SLIT1: variants seen among roughly 807,000 people sequenced by gnomAD.
The protein encoded by SLIT1 is slit homolog 1 protein.
Under a neutral mutation model 186.1 loss-of-function variants are expected in SLIT1, and 66 were observed. The observed-to-expected ratio is 0.35, with a 90% CI of 0.29 to 0.44. The LOEUF is 0.44. Among genes scored for constraint, SLIT1 ranks in the 20% least tolerant of loss-of-function variants. The pLI is 1.00. For missense variants in SLIT1, 1,638 were observed against 2,037.4 expected, an observed-to-expected ratio of 0.80 and a Z score of 3.77; for synonymous variants, 761 against 833.8, an observed-to-expected ratio of 0.91 and a Z score of 1.50.
chr10:97,091,138 G>C (rs1226128373), intron 4 of SLIT1, among the ~76,000 whole-genome samples: 1 of 152,224 alleles, frequency 6.6e-6, no homozygotes, highest in African/African-American at 2.4e-5. Flanking sequence ...CTTGCAAAAG[G>C]CAAGTGCTAT....
chr10:97,005,947 C>T (rs1848356249), intron 32 of SLIT1, among the ~76,000 whole-genome samples: 1 of 152,182 alleles, frequency 6.6e-6, no homozygotes, highest in African/African-American at 2.4e-5. Flanking sequence ...CCACTCTCCT[C>T]TCCATCCCCC....
chr10:97,046,577 G>C, intron 18 of SLIT1, 77 bp downstream of exon 18: 1 of 1,423,614 alleles, frequency 7.0e-7, no homozygotes, highest in South Asian at 1.4e-5. Flanking sequence ...GGCTCCTCCA[G>C]CCTCTCTCTT....
At chr10:97,050,460 C>G (rs1377105640) in intron 13 of SLIT1, among the ~76,000 whole-genome samples, 1 of 152,236 alleles carries the variant, frequency 6.6e-6, no homozygotes, top group Non-Finnish European at 1.5e-5. Context: ...CAGTGTCTTT[C>G]CCTATTTCCC....
intron 4 of SLIT1, among the ~76,000 whole-genome samples, chr10:97,123,478 A>T (rs112539882): frequency 6.6e-6 from 1 of 152,176 alleles, no homozygotes; most frequent in Non-Finnish European, 1.5e-5. Context: ...AACAAGCCCA[A>T]TGCTAGGCAA....
intron 4 of SLIT1, among the ~76,000 whole-genome samples, chr10:97,143,108 T>A (rs1849782512): frequency 6.6e-6 from 1 of 152,230 alleles, no homozygotes; most frequent in African/African-American, 2.4e-5. Flanking sequence ...AACTGCCATA[T>A]GATCCAGTCA....
intron 21 of SLIT1, 71 bp downstream of exon 21, chr10:97,039,917 C>A: frequency 2.6e-6 from 4 of 1,562,948 alleles, no homozygotes; most frequent in Non-Finnish European, 3.5e-6. Context: ...GGCCCCAGCC[C>A]CTCAGGAAAT....
At chr10:97,136,165 C>T (rs1225693024) in intron 4 of SLIT1, among the ~76,000 whole-genome samples, 1 of 152,166 alleles carries the variant, frequency 6.6e-6, no homozygotes, top group Non-Finnish European at 1.5e-5. Context: ...CTTGTGTCAA[C>T]TCTGGCCTTG....
At chr10:97,092,608 A>C (rs1849244581) in intron 4 of SLIT1, among the ~76,000 whole-genome samples, 1 of 152,232 alleles carries the variant, frequency 6.6e-6, no homozygotes, top group Non-Finnish European at 1.5e-5. Context: ...CTCCCCATGA[A>C]ATATCACCTC....
At chr10:97,127,941 A>C (rs2817706) in intron 4 of SLIT1, among the ~76,000 whole-genome samples, 96,897 of 151,834 alleles carry the variant, frequency 0.64, 31,447 homozygotes, top group South Asian at 0.75. Context: ...GAGGTAGAAA[A>C]CCCAGAGGCA....
intron 1 of SLIT1, among the ~76,000 whole-genome samples, chr10:97,175,388 C>G (rs1489918106): frequency 6.6e-6 from 1 of 152,096 alleles, no homozygotes; most frequent in Non-Finnish European, 1.5e-5. Context: ...ACCCTGTGTT[C>G]AGTTCTTTTG....
chr10:97,081,789 A>G (rs1313242737), intron 4 of SLIT1, among the ~76,000 whole-genome samples: 1 of 152,168 alleles, frequency 6.6e-6, no homozygotes, highest in African/African-American at 2.4e-5. Context: ...AGCCCAGAGG[A>G]GCTACGAGGA....
rs546455720 is a variant in SLIT1 at position 97,056,572 on chromosome 10, G to A, written c.1158-108C>T. On this transcript the variant is annotated intron_variant, in intron 12 of 36. Coordinates refer to ENST00000266058, the MANE Select transcript of SLIT1 (RefSeq NM_003061.3). ...CCGGCCTGCGTTATTACAGGGAGGA[G>A]CCCATCGGAGCAGGCCCAGGGAATC... 5.5e-5 allele frequency: 67 copies of A among 1,213,842 alleles called. No homozygotes were observed. In the East Asian group the frequency reaches 1.4e-3, roughly 25 times the overall value. The allele number at this position is 1,213,842 out of a possible 1,614,324, so 75.2% of individuals were successfully genotyped here.
rs79999593 is a variant in SLIT1, at chr10:96,999,303, C to G, written c.*1809G>C. ...CTGCCACATTGGGCAGGGCACTGCC[C>G]TCTTCCCATCACAGGGACCCCAGGA... On this transcript the variant is annotated 3_prime_UTR_variant, in exon 37 of 37. Coordinates refer to ENST00000266058, the MANE Select transcript of SLIT1 (RefSeq NM_003061.3). The G allele has an allele frequency of 6.6e-6, 1 of 152,306 alleles. No individual in the cohort carries two copies. Among genetic ancestry groups the G allele is most frequent in the East Asian group, 1.9e-4 (1 of 5,190 alleles). The allele number at this position is 152,306 out of a possible 1,614,324, so 9.4% of individuals were successfully genotyped here.
rs1232674554 is a variant in SLIT1, at chr10:97,142,016, T to TGGTCTCTA, written c.413+15794_413+15801dup. On this transcript the variant is annotated intron_variant, in intron 4 of 36. Transcript: ENST00000266058. ...GTCTCACTGATCTCTGGTCCTTGGC[T>TGGTCTCTA]GGTCTCTAACTCCTGGACTCAAGCA... Among the ~76,000 whole-genome samples, 3 of 152,082 alleles carry TGGTCTCTA rather than the reference T, an allele frequency of 2.0e-5. No individual in the cohort carries two copies. In the East Asian group the frequency reaches 5.8e-4, roughly 29 times the overall value.
At chr10:97,145,520 A>G (rs751228796) in intron 4 of SLIT1, among the ~76,000 whole-genome samples, 3 of 151,546 alleles carry the variant, frequency 2.0e-5, no homozygotes, top group Non-Finnish European at 4.4e-5. Flanking sequence ...GAGAAGCCTG[A>G]CCCCTCTCTG....
At chr10:97,071,823 A>C (rs1447285295) in intron 4 of SLIT1, among the ~76,000 whole-genome samples, 4 of 152,236 alleles carry the variant, frequency 2.6e-5, no homozygotes, top group Non-Finnish European at 5.9e-5. Context: ...AGGGGTGTTT[A>C]TTAAAAATGA....
chr10:97,004,756 A>G lies in SLIT1; in HGVS notation c.3647T>C (p.Leu1216Pro). Residue 1216 changes from leucine (L) to proline (P), a missense_variant, in exon 33 of 37, where the codon CTG becomes CCG. Physicochemically the swap from Leu to Pro is moderately conservative, Grantham distance 98. Coordinates refer to ENST00000266058, the MANE Select transcript of SLIT1 (RefSeq NM_003061.3). This position sits in a 1 kb window ranked among gnomAD's most constrained non-coding sequence, Gnocchi z 5.1. ...GCTGACACGCACATGGCCCTGGTAC[A>G]GCTCAACTGCAATGTGGTCGTTGTC... ...NGDNDHIAVELYQGHVRVSYD... is the reference protein window; with the variant it reads ...NGDNDHIAVEPYQGHVRVSYD... The G allele has an allele frequency of 6.2e-7, 1 of 1,614,138 alleles. No individual in the cohort carries two copies. The highest frequency in any genetic ancestry group is 8.5e-7 in the Non-Finnish European group (1 of 1,179,988).
chr10:97,027,981 TG>T, intron 25 of SLIT1, among the ~76,000 whole-genome samples: 2 of 152,140 alleles, frequency 1.3e-5, no homozygotes, highest in Non-Finnish European at 2.9e-5. Flanking sequence ...ACAGTGAAAG[TG>T]GACACTCGGC....
chr10:97,037,041 A>G (rs1355124377), intron 22 of SLIT1, among the ~76,000 whole-genome samples: 3 of 124,334 alleles, frequency 2.4e-5, no homozygotes, highest in Non-Finnish European at 3.4e-5. Context: ...TGCAAGAATA[A>G]CCCCCTTTGT....
Sources: gnomAD v4.1 joint callset for allele counts (sites outside exome capture counted in the v4.1 genomes callset) on GRCh38, gnomAD v4.1.1 for gene constraint, Gnocchi (gnomAD v3.1) non-coding constraint, MANE v1.5 for transcripts, NCBI Gene and HGNC (gene_info 2026-07-23, HGNC 2026-07-21) for gene names.